FRMD4B: variants seen among roughly 807,000 people sequenced by gnomAD.
The protein encoded by FRMD4B is FERM domain-containing protein 4B.
In FRMD4B, 74 loss-of-function variants were observed where a neutral mutation model predicts 141.5. The observed-to-expected ratio is 0.52, with a 90% confidence interval of 0.43 to 0.63. FRMD4B has a LOEUF of 0.63. Ranked by LOEUF, FRMD4B falls within the 30% of genes least tolerant of loss-of-function variation. The probability of loss-of-function intolerance (pLI) is 0.00; values close to 1 mark genes in which losing one functional copy is unlikely to be tolerated. For synonymous variants in FRMD4B, 506 were observed against 467.9 expected (o/e 1.08, Z -1.05); for missense variants, 1,366 against 1,253.4 (o/e 1.09, Z -1.36).
At chr3:69,233,875 T>TA (rs1481261531) in intron 7 of FRMD4B, among the ~76,000 whole-genome samples, 1 of 152,206 alleles carries the variant, frequency 6.6e-6, no homozygotes, top group Non-Finnish European at 1.5e-5. Context: ...CTGTGCTTAC[T>TA]AGAAACCTGT....
intron 4 of FRMD4B, among the ~76,000 whole-genome samples, chr3:69,300,643 C>A (rs1462223118): frequency 6.6e-6 from 1 of 152,218 alleles, no homozygotes; most frequent in African/African-American, 2.4e-5. Flanking sequence ...AGACATAACG[C>A]TTTCATTGAG....
chr3:69,257,038 T>TG (rs1415742550), intron 5 of FRMD4B, among the ~76,000 whole-genome samples: 2 of 152,162 alleles, frequency 1.3e-5, no homozygotes, highest in Non-Finnish European at 2.9e-5. Flanking sequence ...ACTCACTAGG[T>TG]GCCAATAGCA....
intron 1 of FRMD4B, among the ~76,000 whole-genome samples, chr3:69,437,959 T>C (rs1340045992): frequency 7.8e-6 from 1 of 127,498 alleles, no homozygotes; most frequent in Non-Finnish European, 1.6e-5. Flanking sequence ...ACTAATATAA[T>C]ACTACATAAA....
chr3:69,463,939 C>G (rs1200820855), intron 1 of FRMD4B, among the ~76,000 whole-genome samples: 1 of 152,182 alleles, frequency 6.6e-6, no homozygotes, highest in African/African-American at 2.4e-5. Context: ...GATGATTGAT[C>G]ACTTATTCCC....
chr3:69,475,377 C>T (rs1013452663), intron 1 of FRMD4B, among the ~76,000 whole-genome samples: 1 of 147,450 alleles, frequency 6.8e-6, no homozygotes, highest in Non-Finnish European at 1.5e-5. Flanking sequence ...CCACAACAGT[C>T]CCCAGAGTGT....
At position 69,173,664 on chromosome 3, in the gene FRMD4B, T is replaced by C. The variant is rs543812338; in HGVS notation, c.2985-1683A>G. ...CTAAAAAGAATCCTAAATAAACAAA[T>C]GGATGGAAATAAGTACTTCTGTATC... On this transcript the variant is annotated intron_variant, in intron 22 of 22. Transcript: ENST00000398540. Among the ~76,000 whole-genome samples, 3 of 152,234 alleles carry C rather than the reference T, an allele frequency of 2.0e-5. No individual in the cohort carries two copies. The South Asian group carries it at 6.2e-4, about 32-fold the overall frequency.
intron 5 of FRMD4B, among the ~76,000 whole-genome samples, chr3:69,280,935 T>C (rs2093641879): frequency 1.3e-5 from 2 of 151,676 alleles, no homozygotes; most frequent in African/African-American, 4.8e-5. Context: ...TTCTTCTTCT[T>C]CTTTTTTTTT....
chr3:69,400,418 T>G (rs1704544497), intron 2 of FRMD4B, among the ~76,000 whole-genome samples: 1 of 151,494 alleles, frequency 6.6e-6, no homozygotes, highest in African/African-American at 2.4e-5. Flanking sequence ...TAGAAGAAAA[T>G]TTAGAATTGA....
intron 2 of FRMD4B, among the ~76,000 whole-genome samples, chr3:69,399,922 A>T (rs1227828081): frequency 6.6e-6 from 1 of 152,194 alleles, no homozygotes; most frequent in African/African-American, 2.4e-5. Flanking sequence ...TTGGTACAAA[A>T]GTAATTGCAG....
rs746377772 is a variant in FRMD4B, at chr3:69,193,871, A to C, written c.1491T>G (p.Asp497Glu). The C allele has an allele frequency of 5.1e-6, 8 of 1,582,424 alleles. No individual in the cohort carries two copies. The highest frequency in any genetic ancestry group is 6.1e-6 in the Non-Finnish European group (7 of 1,154,786). ...TACTCTCCAGTTCTTGCAAAGCAGG[A>C]TCCTGCATTTATACAATGATAGTTT... ...LDDNLLPSEEDPALQELESNF... is the reference protein window; with the variant it reads ...LDDNLLPSEEEPALQELESNF... Residue 497 changes from aspartate (D) to glutamate (E), a missense_variant and splice_region_variant, in exon 17 of 23, where the codon GAT (aspartate) becomes GAG (glutamate). Coordinates refer to ENST00000398540, the MANE Select transcript of FRMD4B (RefSeq NM_015123.3).
intron 7 of FRMD4B, among the ~76,000 whole-genome samples, chr3:69,246,139 C>T (rs866670128): frequency 1.3e-5 from 2 of 152,100 alleles, no homozygotes; most frequent in South Asian, 2.1e-4. Flanking sequence ...GCTCGGCACC[C>T]GGCGCCTGAT....
intron 16 of FRMD4B, 59 bp downstream of exon 16, chr3:69,194,963 C>T (rs965733154): frequency 1.3e-6 from 2 of 1,507,630 alleles, no homozygotes; most frequent in Non-Finnish European, 9.1e-7. Flanking sequence ...ATGTCCACTA[C>T]ACTCAGACAG....
chr3:69,194,901 C>T, intron 16 of FRMD4B, 121 bp downstream of exon 16: 3 of 811,530 alleles, frequency 3.7e-6, no homozygotes. Flanking sequence ...TCTACACGAT[C>T]CATCTGTACT....
intron 1 of FRMD4B, among the ~76,000 whole-genome samples, chr3:69,475,351 C>T (rs1705968645): frequency 1.4e-5 from 2 of 147,316 alleles, no homozygotes. Flanking sequence ...TGCTATCCCT[C>T]CCCCTTCCCC....
intron 1 of FRMD4B, among the ~76,000 whole-genome samples, chr3:69,315,314 T>C (rs1174444448): frequency 6.6e-6 from 1 of 152,170 alleles, no homozygotes; most frequent in Non-Finnish European, 1.5e-5. Flanking sequence ...ACCATCCTAT[T>C]AGTTTAAGAA....
intron 1 of FRMD4B, among the ~76,000 whole-genome samples, chr3:69,540,243 CTTAAT>C (rs1023419380): frequency 2.6e-5 from 4 of 152,000 alleles, no homozygotes; most frequent in African/African-American, 7.2e-5. Flanking sequence ...TCTTGTGACA[CTTAAT>C]TTAGAGACAA....
At chr3:69,292,095 A>T (rs139030067) in intron 4 of FRMD4B, among the ~76,000 whole-genome samples, 52 of 152,242 alleles carry the variant, frequency 3.4e-4, no homozygotes, top group African/African-American at 1.2e-3. Context: ...TTCTAAGTTC[A>T]TATTCCAAGT....
intron 11 of FRMD4B, among the ~76,000 whole-genome samples, chr3:69,211,023 G>GACAAA (rs2093072408): frequency 1.2e-5 from 1 of 85,838 alleles, no homozygotes; most frequent in African/African-American, 4.6e-5. Context: ...ATGCCATCTC[G>GACAAA]AAAAAAAAAA....
At chr3:69,211,462 C>A (rs2093079051) in intron 11 of FRMD4B, among the ~76,000 whole-genome samples, 1 of 152,202 alleles carries the variant, frequency 6.6e-6, no homozygotes, top group Admixed American at 6.5e-5. Flanking sequence ...AGAGCATCTG[C>A]TGGATGCCCT....
Sources: gnomAD v4.1 joint callset for allele counts (sites outside exome capture counted in the v4.1 genomes callset) on GRCh38, gnomAD v4.1.1 for gene constraint, MANE v1.5 for transcripts, NCBI Gene and HGNC (gene_info 2026-07-23, HGNC 2026-07-21) for gene names.